The following EPC2 variants were observed in gnomAD, a reference collection of about 807,000 sequenced individuals.
The protein encoded by EPC2 is enhancer of polycomb homolog 2.
In EPC2, 14 loss-of-function variants were observed where a neutral mutation model predicts 92.1. The ratio of observed to expected loss-of-function variants is 0.15; its 90% CI spans 0.10 to 0.24. EPC2 has a LOEUF of 0.24. Ranked by LOEUF, EPC2 falls within the 10% of genes least tolerant of loss-of-function variation. The pLI, the probability that EPC2 is intolerant of heterozygous loss-of-function variation, is 1.00. For missense variants in EPC2, 755 were observed against 971.5 expected (o/e 0.78, Z 2.96); for synonymous variants, 340 against 334.7 (o/e 1.02, Z -0.17).
At chr2:148,645,196 C>T (rs888154293) in intron 1 of EPC2, 26 bp downstream of exon 1, 11 of 1,549,226 alleles carry the variant, frequency 7.1e-6, no homozygotes, top group Non-Finnish European at 9.6e-6. Flanking sequence ...TTTATTACCC[C>T]CCCTTCCCTC....
chr2:148,773,955 CT>C (rs1036048718), intron 10 of EPC2, among the ~76,000 whole-genome samples: 2 of 152,046 alleles, frequency 1.3e-5, no homozygotes, highest in Non-Finnish European at 2.9e-5. Flanking sequence ...GTCTTGAACA[CT>C]TTTTCCTTCT....
At chr2:148,649,462 C>T (rs1347542275) in intron 1 of EPC2, among the ~76,000 whole-genome samples, 2 of 152,160 alleles carry the variant, frequency 1.3e-5, no homozygotes, top group Non-Finnish European at 2.9e-5. Flanking sequence ...TGTCTAGCTT[C>T]CTTTGTTCCG....
In EPC2 at chr2:148,783,757, G is replaced by A; in HGVS notation, c.2017+1G>A. On this transcript the variant is annotated splice_donor_variant, in intron 12 of 13. Coordinates refer to ENST00000258484, the MANE Select transcript of EPC2 (RefSeq NM_015630.4). LOFTEE classifies it high-confidence loss of function. ...ATAAACGGTGTTGTCCAGCCTTCAGGTACAGCTGGGGTTTCACATGGTACC... is the reference window on the plus strand; with the variant it reads ...ATAAACGGTGTTGTCCAGCCTTCAGATACAGCTGGGGTTTCACATGGTACC... 1 of 1,586,796 alleles carries A rather than the reference G, an allele frequency of 6.3e-7. No homozygotes were observed. Among genetic ancestry groups the A allele is most frequent in the Non-Finnish European group, 8.6e-7 (1 of 1,165,342 alleles).
At chr2:148,675,203 A>AT (rs199704827) in intron 1 of EPC2, among the ~76,000 whole-genome samples, 1,870 of 151,004 alleles carry the variant, frequency 0.012, 32 homozygotes, top group African/African-American at 0.037. Context: ...TATTTCTGAG[A>AT]TTTTTTTTTC....
chr2:148,754,280 C>T, intron 4 of EPC2, 147 bp downstream of exon 4: 6 of 694,912 alleles, frequency 8.6e-6, no homozygotes, highest in Non-Finnish European at 1.4e-5. Context: ...TCGTCTGATC[C>T]GTGGTCAGAC....
chr2:148,654,825 C>G (rs558229945), intron 1 of EPC2, among the ~76,000 whole-genome samples: 332 of 152,316 alleles, frequency 2.2e-3, no homozygotes, highest in Non-Finnish European at 3.5e-3. Context: ...TAAATCTTCA[C>G]TTAATCCGTA....
intron 12 of EPC2, 38 bp downstream of exon 12, chr2:148,783,794 AGTT>A: frequency 6.4e-7 from 1 of 1,553,654 alleles, no homozygotes; most frequent in African/African-American, 1.4e-5. Context: ...ACTTTCTTGA[AGTT>A]GTAACTCAGT....
intron 6 of EPC2, among the ~76,000 whole-genome samples, chr2:148,763,528 T>A (rs566960541): frequency 1.2e-3 from 186 of 152,292 alleles, no homozygotes; most frequent in African/African-American, 4.0e-3. Context: ...TGTAGCAAAA[T>A]TTTTTAAATG....
At position 148,781,958 on chromosome 2, in the gene EPC2, T is replaced by A. The variant is rs527941706; in HGVS notation, c.1857+178T>A. On this transcript the variant is annotated intron_variant, in intron 11 of 13. Coordinates refer to ENST00000258484, the MANE Select transcript of EPC2 (RefSeq NM_015630.4). The stretch of plus-strand genomic sequence containing the variant: ...TTTAAGTGACTAGCTTATAAACTAA[T>A]CTCTTAATATTTTGAGAAGAGTGCT... Among the ~76,000 whole-genome samples, 6 of 152,328 alleles carry A rather than the reference T, an allele frequency of 3.9e-5. No homozygotes were observed. The East Asian group carries it at 9.6e-4, about 24-fold the overall frequency.
chr2:148,666,213 T>G (rs1458510532), intron 1 of EPC2, among the ~76,000 whole-genome samples: 3 of 152,216 alleles, frequency 2.0e-5, no homozygotes, highest in Admixed American at 2.0e-4. Flanking sequence ...TGATCATGGC[T>G]TACTGTGGGC....
rs188150895 is a variant in EPC2 at position 148,698,525 on chromosome 2, A to T, written c.313+8152A>T. On this transcript the variant is annotated intron_variant, in intron 2 of 13. Coordinates refer to ENST00000258484, the MANE Select transcript of EPC2 (RefSeq NM_015630.4). Reference sequence around the variant, plus strand: ...GTGGTGCACGCCTGTAATCCCAGCTACTCCGGAGGCTGAGGCAGAAGAATT... The same window carrying T: ...GTGGTGCACGCCTGTAATCCCAGCTTCTCCGGAGGCTGAGGCAGAAGAATT... 1.6e-3 allele frequency among the ~76,000 whole-genome samples: 234 copies of T among 149,184 alleles called. 1 individual carries two copies. The highest frequency in any genetic ancestry group is 2.7e-3 in the Admixed American group (39 of 14,674).
chr2:148,736,607 A>C (rs558879725), intron 2 of EPC2, among the ~76,000 whole-genome samples: 4 of 152,158 alleles, frequency 2.6e-5, no homozygotes, highest in Non-Finnish European at 4.4e-5. Context: ...GATAAAATAC[A>C]TCATGAATTT....
At chr2:148,738,868 A>G (rs1682819437) in intron 2 of EPC2, among the ~76,000 whole-genome samples, 1 of 152,196 alleles carries the variant, frequency 6.6e-6, no homozygotes, top group Non-Finnish European at 1.5e-5. Flanking sequence ...GCCTTCATGG[A>G]CATTCTATTA....
intron 3 of EPC2, among the ~76,000 whole-genome samples, chr2:148,747,654 T>G (rs1683011380): frequency 6.6e-6 from 1 of 152,162 alleles, no homozygotes; most frequent in African/African-American, 2.4e-5. Context: ...CTCCTAATTG[T>G]CATCAGGACC....
intron 1 of EPC2, among the ~76,000 whole-genome samples, chr2:148,647,125 A>C (rs1311963022): frequency 6.6e-6 from 1 of 152,092 alleles, no homozygotes; most frequent in Admixed American, 6.5e-5. Context: ...ACAACAAAAA[A>C]AAGGAAATCT....
At chr2:148,710,793 C>T (rs1682123289) in intron 2 of EPC2, among the ~76,000 whole-genome samples, 1 of 151,944 alleles carries the variant, frequency 6.6e-6, no homozygotes, top group Admixed American at 6.6e-5. Context: ...GGGAATTGAA[C>T]AATGGGAACA....
intron 4 of EPC2, 24 bp from the exon 5 acceptor site, chr2:148,761,747 GTTGTTTATTCT>G: frequency 7.4e-7 from 1 of 1,357,862 alleles, no homozygotes; most frequent in Non-Finnish European, 9.8e-7. Flanking sequence ...AGATAACTGT[GTTGTTTATTCT>G]TCTAAAATTA....
chr2:148,710,810 C>T (rs1682123713), intron 2 of EPC2, among the ~76,000 whole-genome samples: 1 of 151,994 alleles, frequency 6.6e-6, no homozygotes, highest in Admixed American at 6.6e-5. Context: ...AACACTTGGA[C>T]ACAGGAAGGG....
chr2:148,703,739 C>T (rs1681934208), intron 2 of EPC2, among the ~76,000 whole-genome samples: 2 of 152,114 alleles, frequency 1.3e-5, no homozygotes, highest in African/African-American at 4.8e-5. Context: ...CTTTATTGCC[C>T]ATGCTGGTCT....
Sources: gnomAD v4.1 joint callset for allele counts (sites outside exome capture counted in the v4.1 genomes callset) on GRCh38, gnomAD v4.1.1 for gene constraint, MANE v1.5 for transcripts, NCBI Gene and HGNC (gene_info 2026-07-23, HGNC 2026-07-21) for gene names.